MPRIP: variants seen among roughly 807,000 people sequenced by gnomAD.
The protein encoded by MPRIP is myosin phosphatase Rho-interacting protein.
In MPRIP, 59 loss-of-function variants were observed where a neutral mutation model predicts 234.9. The observed-to-expected ratio is 0.25, with a 90% confidence interval of 0.20 to 0.31. The LOEUF (loss-of-function observed/expected upper bound fraction) is 0.31. Among genes scored for constraint, MPRIP ranks in the 10% least tolerant of loss-of-function variants. MPRIP has a pLI of 1.00. For synonymous variants in MPRIP, 1,144 were observed against 1,263.9 expected (o/e 0.91, Z 2.01); for missense variants, 2,436 against 3,071.0 (o/e 0.79, Z 4.89).
Position 17,164,347 on chromosome 17 carries a change from C to T in MPRIP, c.2756C>T (p.Ala919Val), listed in dbSNP as rs1273937984. The T allele has an allele frequency of 7.7e-6, 10 of 1,301,534 alleles. No individual in the cohort carries two copies. The highest frequency in any genetic ancestry group is 5.5e-5 in the East Asian group (1 of 18,038). 80.6% of individuals were successfully genotyped at this position (1,301,534 alleles called of 1,614,324 possible). A position where few individuals can be genotyped will look rare whatever the true frequency, so the allele number is the denominator to read the frequency against. The stretch of plus-strand genomic sequence containing the variant: ...GCTGAGCTAGCCATCAAGGAGCAGG[C>T]GCTGGCCAAGCTCAAGGGCGACCTG... ...AAAELAIKEQ[A>V]LAKLKGDLKR... Residue 919 changes from alanine to valine, a missense_variant, in exon 16 of 24, where the codon GCG (alanine) becomes GTG (valine). By Grantham distance (64) the Ala-to-Val change is moderately conservative. This residue lies in a region of MPRIP where 1,998 missense variants were observed against 2,520.3 expected (regional missense o/e 0.79). Transcript: ENST00000651222.
chr17:17,178,680 C>G (rs796473758), intron 22 of MPRIP: 5 of 151,594 alleles, frequency 3.3e-5, no homozygotes, highest in African/African-American at 1.2e-4. Flanking sequence ...CTTTGGGAAG[C>G]TAGGTGGGCA....
intron 3 of MPRIP, among the ~76,000 whole-genome samples, chr17:17,086,183 C>T (rs2144110903): frequency 6.6e-6 from 1 of 152,300 alleles, no homozygotes; most frequent in East Asian, 1.9e-4. Context: ...CTTGTGTTCA[C>T]AAGGAGAAGC....
At chr17:17,170,921 T>C (rs975892557) in intron 16 of MPRIP, 1 of 152,274 alleles carries the variant, frequency 6.6e-6, no homozygotes, top group South Asian at 2.1e-4. Context: ...CCTATGTCGC[T>C]CTAGGGAGGC....
At chr17:17,179,681 G>A in intron 22 of MPRIP, 1 of 251,008 alleles carries the variant, frequency 4.0e-6, no homozygotes, top group Non-Finnish European at 7.6e-6. Flanking sequence ...GTAGGGGTCT[G>A]CTCAGCATTG....
rs970856681 is a variant in MPRIP, at chr17:17,166,883, C to T, written c.5292C>T (p.Pro1764=). 5.4e-6 allele frequency: 7 copies of T among 1,304,054 alleles called. No individual in the cohort carries two copies. The highest frequency in any genetic ancestry group is 7.1e-6 in the Non-Finnish European group (7 of 988,960). 80.8% of individuals were successfully genotyped at this position (1,304,054 alleles called of 1,614,324 possible). ...GAGACTCAGACAGCTCTCAGGAGCC[C>T]TTCGATGTGTCTGACCAGAGCCCTG... ...LGRDSDSSQE[P]FDVSDQSPGA... The change falls in exon 16 of 24, where the codon CCC becomes CCT. Residue 1764 remains proline (P), a synonymous_variant. Coordinates refer to ENST00000651222, the MANE Select transcript of MPRIP (RefSeq NM_001364716.4). The surrounding 1 kb of genome is among the most constrained non-coding windows in gnomAD (Gnocchi z 4.4).
chr17:17,180,459 C>G, intron 23 of MPRIP: 1 of 779,406 alleles, frequency 1.3e-6, no homozygotes, highest in South Asian at 1.5e-5. Flanking sequence ...GATGATGCTG[C>G]CTGCTCTTGT....
At chr17:17,172,616 A>T in intron 17 of MPRIP, 82 bp from the exon 18 acceptor site, 1 of 1,049,478 alleles carries the variant, frequency 9.5e-7, no homozygotes, top group Non-Finnish European at 1.4e-6. Flanking sequence ...GCGCCATCCC[A>T]TTGTGTGGAG....
chr17:17,082,531 G>A (rs1235769174), intron 3 of MPRIP, among the ~76,000 whole-genome samples: 1 of 151,992 alleles, frequency 6.6e-6, no homozygotes, highest in Non-Finnish European at 1.5e-5. Flanking sequence ...CAGACCTCAG[G>A]TGATCCGCCC....
intron 12 of MPRIP, among the ~76,000 whole-genome samples, chr17:17,153,719 G>C (rs529908652): frequency 3.9e-5 from 6 of 152,016 alleles, no homozygotes; most frequent in Non-Finnish European, 7.4e-5. Flanking sequence ...CCTGTCCCCT[G>C]CCATCACCTT....
intron 3 of MPRIP, among the ~76,000 whole-genome samples, chr17:17,095,856 C>G (rs1403332350): frequency 1.3e-5 from 2 of 152,164 alleles, no homozygotes; most frequent in African/African-American, 4.8e-5. Flanking sequence ...CCTGCCTCCT[C>G]CTAGCTGTCC....
intron 23 of MPRIP, 99 bp from the exon 24 acceptor site, chr17:17,184,724 G>A (rs2046440056): frequency 2.3e-6 from 2 of 861,660 alleles, no homozygotes; most frequent in Non-Finnish European, 3.9e-6. Flanking sequence ...CTCTCTGACT[G>A]ATGCCGGCTC....
At chr17:17,088,201 A>C (rs1284434337) in intron 3 of MPRIP, among the ~76,000 whole-genome samples, 1 of 152,150 alleles carries the variant, frequency 6.6e-6, no homozygotes, top group Admixed American at 6.5e-5. Context: ...CGTGAGGGTA[A>C]AGGGGTTTCT....
At chr17:17,110,907 G>T (rs2090155457) in intron 3 of MPRIP, among the ~76,000 whole-genome samples, 1 of 152,118 alleles carries the variant, frequency 6.6e-6, no homozygotes, top group Non-Finnish European at 1.5e-5. Context: ...TGGGATCTTG[G>T]AGCAGGAGAA....
At chr17:17,173,844 A>C in intron 18 of MPRIP, 72 bp from the exon 19 acceptor site, 1 of 1,564,698 alleles carries the variant, frequency 6.4e-7, no homozygotes, top group Non-Finnish European at 8.8e-7. Context: ...GTCTGGTGTC[A>C]AGGAGGGACA....
chr17:17,176,347 G>C (rs1475528896), intron 20 of MPRIP, 79 bp from the exon 21 acceptor site: 3 of 1,093,566 alleles, frequency 2.7e-6, no homozygotes, highest in African/African-American at 3.1e-5. Context: ...AGAGCCCTCT[G>C]CACGCTTCAG....
intron 8 of MPRIP, 92 bp downstream of exon 8, chr17:17,142,857 G>C (rs1397039168): frequency 1.4e-6 from 2 of 1,430,418 alleles, no homozygotes; most frequent in Admixed American, 2.2e-5. Context: ...CACAGGCCTG[G>C]GATGTGCTCC....
intron 11 of MPRIP, among the ~76,000 whole-genome samples, chr17:17,148,237 A>G (rs549300794): frequency 2.0e-5 from 3 of 152,320 alleles, no homozygotes; most frequent in South Asian, 2.1e-4. Context: ...TAAGGAGCCT[A>G]TGTAAGTGTT....
At chr17:17,068,643 G>A (rs960413792) in intron 1 of MPRIP, among the ~76,000 whole-genome samples, 7 of 151,364 alleles carry the variant, frequency 4.6e-5, no homozygotes, top group African/African-American at 1.7e-4. Context: ...CAATTCTCCT[G>A]CCTCAGCCTC....
At chr17:17,052,484 G>A (rs763190486) in intron 1 of MPRIP, among the ~76,000 whole-genome samples, 4 of 152,276 alleles carry the variant, frequency 2.6e-5, no homozygotes, top group Admixed American at 6.5e-5. Context: ...TGGAGCCGCC[G>A]AGACCTGGAG....
Sources: gnomAD v4.1 joint callset for allele counts (sites outside exome capture counted in the v4.1 genomes callset) on GRCh38, gnomAD v4.1.1 for gene constraint, gnomAD v4.1.1 regional missense constraint, Gnocchi (gnomAD v3.1) non-coding constraint, MANE v1.5 for transcripts, NCBI Gene and HGNC (gene_info 2026-07-23, HGNC 2026-07-21) for gene names.